Variants in FFAR4 observed in about 807,000 individuals in gnomAD.
The protein encoded by FFAR4 is free fatty acid receptor 4.
In FFAR4, 19 loss-of-function variants were observed where a neutral mutation model predicts 27.0. The observed-to-expected ratio is 0.70, with a 90% CI of 0.49 to 1.03. FFAR4 has a LOEUF of 1.03. FFAR4 is among the 50% of genes least tolerant of loss of function. The probability of loss-of-function intolerance (pLI) is 0.00; values close to 1 mark genes in which losing one functional copy is unlikely to be tolerated. For missense variants in FFAR4, 476 were observed against 479.0 expected (o/e 0.99, Z 0.06); for synonymous variants, 254 against 215.6 (o/e 1.18, Z -1.56).
In FFAR4 at chr10:93,587,574, G is replaced by A. The variant is rs1424371388; in HGVS notation, c.1051G>A (p.Val351Ile). 1.9e-6 allele frequency: 3 copies of A among 1,613,558 alleles called. No individual in the cohort carries two copies. The highest frequency in any genetic ancestry group is 8.5e-7 in the Non-Finnish European group (1 of 1,179,900). ...GGGAGCCATTTTAACAGACACATCT[G>A]TCAAAAGAAATGACTTGTCGATTAT... is the stretch of plus-strand genomic sequence containing the variant. ...EKGAILTDTS[V>I]KRNDLSIISG The change falls in exon 3 of 3, where the codon GTC becomes ATC. Residue 351 changes from valine (V) to isoleucine (I), a missense_variant. Coordinates refer to ENST00000371481, the MANE Select transcript of FFAR4 (RefSeq NM_001195755.2).
At chr10:93,587,181 G>A (rs11187539) in intron 2 of FFAR4, 39 bp from the exon 3 acceptor site, 594,892 of 1,562,996 alleles carry the variant, frequency 0.38, 118,543 homozygotes, top group African/African-American at 0.61. Flanking sequence ...AACAACCCTC[G>A]GTCACCTGTG....
intron 2 of FFAR4, among the ~76,000 whole-genome samples, chr10:93,580,509 G>T (rs576639409): frequency 6.6e-6 from 1 of 152,330 alleles, no homozygotes; most frequent in Non-Finnish European, 1.5e-5. Flanking sequence ...GAAATGCTGG[G>T]ATAGGCTAGA....
intron 1 of FFAR4, 102 bp downstream of exon 1, chr10:93,567,389 A>G (rs1483276911): frequency 6.1e-6 from 6 of 990,934 alleles, no homozygotes; most frequent in African/African-American, 1.6e-5. Context: ...AACAATAGCC[A>G]TTTATTGCAC....
chr10:93,583,277 G>T (rs375239193), intron 2 of FFAR4, among the ~76,000 whole-genome samples: 2 of 150,680 alleles, frequency 1.3e-5, no homozygotes, highest in Admixed American at 6.6e-5. Flanking sequence ...TTAGCCGGGC[G>T]TGATGGCGGG....
At chr10:93,568,414 A>T (rs982636157) in intron 1 of FFAR4, among the ~76,000 whole-genome samples, 3 of 152,122 alleles carry the variant, frequency 2.0e-5, no homozygotes, top group African/African-American at 7.2e-5. Flanking sequence ...TCCGGCCTGG[A>T]ACCCCCTACC....
chr10:93,572,450 G>C (rs1476998352), intron 1 of FFAR4, among the ~76,000 whole-genome samples: 1 of 152,000 alleles, frequency 6.6e-6, no homozygotes, highest in Non-Finnish European at 1.5e-5. Flanking sequence ...GGGGGCAAAA[G>C]ACGGTGCTGG....
chr10:93,579,785 A>C (rs2058188073), intron 2 of FFAR4, among the ~76,000 whole-genome samples: 1 of 152,218 alleles, frequency 6.6e-6, no homozygotes, highest in Non-Finnish European at 1.5e-5. Context: ...ACAGTGGGAA[A>C]ATCACTGGAC....
intron 1 of FFAR4, 126 bp from the exon 2 acceptor site, chr10:93,575,965 C>A: frequency 1.1e-6 from 1 of 879,454 alleles, no homozygotes; most frequent in Non-Finnish European, 1.8e-6. Context: ...CTGGGGTTCA[C>A]TGTCATGCTA....
chr10:93,571,175 C>T (rs911434819), intron 1 of FFAR4, among the ~76,000 whole-genome samples: 1 of 152,202 alleles, frequency 6.6e-6, no homozygotes, highest in African/African-American at 2.4e-5. Flanking sequence ...CAGGTCAGCT[C>T]ACCCTGCTTC....
chr10:93,582,991 A>G (rs1207909438), intron 2 of FFAR4, among the ~76,000 whole-genome samples: 1 of 152,126 alleles, frequency 6.6e-6, no homozygotes, highest in African/African-American at 2.4e-5. Flanking sequence ...AACTGCCCCC[A>G]TGATCCAAAC....
Position 93,587,350 on chromosome 10 carries a change from T to C in FFAR4, c.827T>C (p.Met276Thr), listed in dbSNP as rs778851291. 1 of 1,614,114 alleles carries C rather than the reference T, an allele frequency of 6.2e-7. No individual in the cohort carries two copies. The highest frequency in any genetic ancestry group is 1.1e-5 in the South Asian group (1 of 91,072). ...LFLLMVSFFI[M>T]WSPIIITILL... ...CTCCTCATGGTCTCCTTCTTCATCA[T>C]GTGGAGCCCCATCATCATCACCATC... The change falls in exon 3 of 3, where the codon ATG (methionine) becomes ACG (threonine). Residue 276 changes from methionine to threonine, a missense_variant. By Grantham distance (81) the Met-to-Thr change is moderately conservative. Transcript: ENST00000371481.
In FFAR4 at chr10:93,587,286, G is replaced by C; in HGVS notation, c.763G>C (p.Val255Leu). ...LAYSESHQIR[V>L]SQQDFRLFRT... ...CTACTCGGAGAGCCACCAGATCCGC[G>C]TGTCCCAGCAGGACTTCCGGCTCTT... Residue 255 changes from valine (V) to leucine (L), a missense_variant, in exon 3 of 3, where the codon GTG becomes CTG. Transcript: ENST00000371481. The C allele has an allele frequency of 2.5e-6, 4 of 1,614,036 alleles. No individual in the cohort carries two copies. The highest frequency in any genetic ancestry group is 1.3e-5 in the African/African-American group (1 of 75,020).
At chr10:93,580,876 T>A (rs1279658626) in intron 2 of FFAR4, among the ~76,000 whole-genome samples, 1 of 152,136 alleles carries the variant, frequency 6.6e-6, no homozygotes, top group Admixed American at 6.5e-5. Flanking sequence ...ATGCCATACA[T>A]CTTCAATATT....
At chr10:93,586,085 G>A (rs1320719913) in intron 2 of FFAR4, among the ~76,000 whole-genome samples, 6 of 152,158 alleles carry the variant, frequency 3.9e-5, no homozygotes, top group Admixed American at 3.9e-4. Context: ...ATATGGTTTG[G>A]CTGTGTCCCC....
chr10:93,571,886 A>G (rs1300219609), intron 1 of FFAR4, among the ~76,000 whole-genome samples: 2 of 152,190 alleles, frequency 1.3e-5, no homozygotes, highest in African/African-American at 4.8e-5. Context: ...GTACTGCAGG[A>G]AGAATCATCA....
At chr10:93,582,721 CTG>C (rs576016322) in intron 2 of FFAR4, among the ~76,000 whole-genome samples, 156 of 152,234 alleles carry the variant, frequency 1.0e-3, no homozygotes, top group African/African-American at 3.7e-3. Context: ...TGGTGGGGGT[CTG>C]TGTTAGTCTG....
In FFAR4 at chr10:93,587,522, T is replaced by G; in HGVS notation, c.999T>G (p.Ile333Met). Residue 333 changes from isoleucine to methionine, a missense_variant, in exon 3 of 3, where the codon ATT becomes ATG. Physicochemically the swap from Ile to Met is conservative, Grantham distance 10. Transcript: ENST00000371481. ...TGTGCAGGAATGAGTGGAAGAAAAT[T>G]TTTTGCTGCTTCTGGTTCCCAGAAA... is the stretch of plus-strand genomic sequence containing the variant. ...MTLCRNEWKK[I>M]FCCFWFPEKG... 6.2e-7 allele frequency: 1 copy of G among 1,613,948 alleles called. No homozygotes were observed. Among genetic ancestry groups the G allele is most frequent in the South Asian group, 1.1e-5 (1 of 91,066 alleles).
intron 1 of FFAR4, among the ~76,000 whole-genome samples, chr10:93,570,071 T>A (rs112309412): frequency 0.018 from 2,580 of 146,044 alleles, 76 homozygotes; most frequent in African/African-American, 0.059. Flanking sequence ...AAAAAAAAAA[T>A]TTTTTTTAAA....
Position 93,576,115 on chromosome 10 carries a change from T to A in FFAR4, c.592T>A (p.Trp198Arg), listed in dbSNP as rs747812538. Residue 198 changes from tryptophan to arginine, a missense_variant, in exon 2 of 3, where the codon TGG (tryptophan) becomes AGG (arginine). Trp to Arg is a moderately radical substitution (Grantham distance 101). Coordinates refer to ENST00000371481, the MANE Select transcript of FFAR4 (RefSeq NM_001195755.2). ...DQEISICTLI[W>R]PTIPGEISWD... ...GGAAATTTCGATTTGCACACTGATTTGGCCCACCATTCCTGGAGAGATCTC... is the reference window on the plus strand; with the variant it reads ...GGAAATTTCGATTTGCACACTGATTAGGCCCACCATTCCTGGAGAGATCTC... 4 of 1,614,142 alleles carry A rather than the reference T, an allele frequency of 2.5e-6. No individual in the cohort carries two copies. Among genetic ancestry groups the A allele is most frequent in the Non-Finnish European group, 3.4e-6 (4 of 1,179,952 alleles).
Sources: gnomAD v4.1 joint callset for allele counts (sites outside exome capture counted in the v4.1 genomes callset) on GRCh38, gnomAD v4.1.1 for gene constraint, MANE v1.5 for transcripts, NCBI Gene and HGNC (gene_info 2026-07-23, HGNC 2026-07-21) for gene names.